JPH3: variants seen among roughly 807,000 people sequenced by gnomAD.
JPH3 encodes the protein junctophilin 3.
Under a neutral mutation model 59.6 loss-of-function variants are expected in JPH3, and 11 were observed. The ratio of observed to expected loss-of-function variants is 0.18; its 90% CI spans 0.12 to 0.31. The LOEUF (loss-of-function observed/expected upper bound fraction) is 0.31. Ranked by LOEUF, JPH3 falls within the 10% of genes least tolerant of loss-of-function variation. The probability of loss-of-function intolerance (pLI) is 1.00; values close to 1 mark genes in which losing one functional copy is unlikely to be tolerated. For synonymous variants in JPH3, 673 were observed against 483.6 expected (o/e 1.39, Z -5.14); for missense variants, 1,202 against 1,105.7 (o/e 1.09, Z -1.24).
At chr16:87,609,641 C>T (rs1352993197) in intron 1 of JPH3, among the ~76,000 whole-genome samples, 5 of 152,202 alleles carry the variant, frequency 3.3e-5, no homozygotes, top group Non-Finnish European at 7.3e-5. Context: ...TATGTGTGTT[C>T]ACTTCTCTTG....
chr16:87,655,965 A>G (rs750494468), intron 2 of JPH3, among the ~76,000 whole-genome samples: 1 of 152,202 alleles, frequency 6.6e-6, no homozygotes, highest in Non-Finnish European at 1.5e-5. Flanking sequence ...CTCTGCATAG[A>G]TGTCCTGAGT....
rs538030615 is a variant in JPH3 at position 87,614,490 on chromosome 16, G to T, written c.382+10962G>T. 2.0e-5 allele frequency among the ~76,000 whole-genome samples: 3 copies of T among 149,386 alleles called. No individual in the cohort carries two copies. The South Asian group carries it at 6.4e-4, about 32-fold the overall frequency. ...CTGGTCCCTGCACACACGAGGGTCC[G>T]CGCGTCCCCCGCAGGATAAACGCAG... On this transcript the variant is annotated intron_variant, in intron 1 of 4. Transcript: ENST00000284262.
At chr16:87,659,405 TACACACAC>T (rs1209816302) in intron 2 of JPH3, among the ~76,000 whole-genome samples, 2 of 100,932 alleles carry the variant, frequency 2.0e-5, no homozygotes, top group Non-Finnish European at 4.0e-5. Flanking sequence ...AAAAGAAAAC[TACACACAC>T]ATACACACAA....
intron 2 of JPH3, among the ~76,000 whole-genome samples, chr16:87,680,490 C>T (rs1254056771): frequency 6.6e-6 from 1 of 152,246 alleles, no homozygotes; most frequent in Non-Finnish European, 1.5e-5. Flanking sequence ...GCCTCGCATG[C>T]AGGGCCAGGC....
At chr16:87,676,369 G>T (rs973728468) in intron 2 of JPH3, among the ~76,000 whole-genome samples, 1 of 152,184 alleles carries the variant, frequency 6.6e-6, no homozygotes, top group African/African-American at 2.4e-5. Context: ...AAGTGGCTCT[G>T]TGACTTCAGA....
intron 2 of JPH3, among the ~76,000 whole-genome samples, chr16:87,645,444 C>G (rs970560499): frequency 6.6e-6 from 1 of 152,176 alleles, no homozygotes; most frequent in African/African-American, 2.4e-5. Flanking sequence ...CACTGCAGGG[C>G]TGTGGGAGGT....
rs5818641 is a variant in JPH3, at chr16:87,666,093, C to CT, written c.1161-18035dup. 7.5e-3 allele frequency among the ~76,000 whole-genome samples: 1,084 copies of CT among 144,996 alleles called. 13 individuals are homozygous for CT. The highest frequency in any genetic ancestry group is 0.023 in the African/African-American group (898 of 39,538). On this transcript the variant is annotated intron_variant, in intron 2 of 4. Transcript: ENST00000284262. ...AAATAACAGGTACTTCTTTTTTTCT[C>CT]TTTTTTTTTTTTTTGAGACAGAGTT... is the stretch of plus-strand genomic sequence containing the variant.
intron 2 of JPH3, among the ~76,000 whole-genome samples, chr16:87,653,206 G>T (rs1214500057): frequency 6.6e-6 from 1 of 152,196 alleles, no homozygotes; most frequent in Non-Finnish European, 1.5e-5. Flanking sequence ...TGGCTCTGGG[G>T]GTGTGTAAAA....
intron 1 of JPH3, chr16:87,604,441 C>T: frequency 7.2e-7 from 1 of 1,381,198 alleles, no homozygotes; most frequent in Non-Finnish European, 9.5e-7. Flanking sequence ...CGGTCCTTTC[C>T]TGGAAGCCAG....
intron 2 of JPH3, among the ~76,000 whole-genome samples, chr16:87,682,157 A>G (rs548338191): frequency 2.6e-5 from 4 of 152,178 alleles, no homozygotes; most frequent in African/African-American, 9.6e-5. Flanking sequence ...AGCTTGCTTC[A>G]TTTCCTGGAC....
At chr16:87,690,601 G>A in intron 4 of JPH3, 75 bp downstream of exon 4, 1 of 1,377,856 alleles carries the variant, frequency 7.3e-7, no homozygotes, top group Non-Finnish European at 9.4e-7. Flanking sequence ...TTTCCTGAGG[G>A]TTTCCAGCAA....
At chr16:87,684,415 C>T in intron 3 of JPH3, 149 bp downstream of exon 3, 19 of 1,309,464 alleles carry the variant, frequency 1.5e-5, no homozygotes, top group Non-Finnish European at 2.0e-5. Flanking sequence ...TCCTCTCCCG[C>T]CGAAGGTGCT....
At chr16:87,637,190 G>C (rs916382221) in intron 1 of JPH3, among the ~76,000 whole-genome samples, 5 of 152,206 alleles carry the variant, frequency 3.3e-5, no homozygotes, top group African/African-American at 1.2e-4. Context: ...TCACTACGTT[G>C]TTTTATTGGC....
intron 1 of JPH3, chr16:87,604,121 G>A: frequency 7.5e-7 from 1 of 1,335,314 alleles, no homozygotes; most frequent in Non-Finnish European, 9.7e-7. Flanking sequence ...TGTCGAAGCA[G>A]GCTGCTGGAG....
chr16:87,621,491 T>C (rs2031183725), intron 1 of JPH3, among the ~76,000 whole-genome samples: 1 of 152,196 alleles, frequency 6.6e-6, no homozygotes, highest in Admixed American at 6.5e-5. Flanking sequence ...AGTGCCTTCT[T>C]GCTCTCAGGA....
At chr16:87,615,200 C>T (rs953582137) in intron 1 of JPH3, among the ~76,000 whole-genome samples, 2 of 152,210 alleles carry the variant, frequency 1.3e-5, no homozygotes, top group Non-Finnish European at 2.9e-5. Flanking sequence ...GTCCATCCTC[C>T]CCGGGGCCTA....
At chr16:87,629,422 G>GT (rs11343784) in intron 1 of JPH3, among the ~76,000 whole-genome samples, 3,133 of 145,660 alleles carry the variant, frequency 0.022, 72 homozygotes, top group African/African-American at 0.06. Context: ...ATCTTTGTGG[G>GT]TTTTTTTTTT....
chr16:87,687,950 G>A (rs1366473810), intron 3 of JPH3, among the ~76,000 whole-genome samples: 3 of 152,192 alleles, frequency 2.0e-5, no homozygotes, highest in African/African-American at 7.2e-5. Flanking sequence ...GAGGAGGTAC[G>A]ATGTGGGTGA....
At chr16:87,646,270 A>G (rs1398366225) in intron 2 of JPH3, among the ~76,000 whole-genome samples, 2 of 152,204 alleles carry the variant, frequency 1.3e-5, no homozygotes, top group African/African-American at 4.8e-5. Flanking sequence ...AAAAACAAAA[A>G]TGGTGGCTGC....
Sources: allele counts gnomAD v4.1 joint callset (sites outside exome capture counted in the v4.1 genomes callset), GRCh38; gene constraint gnomAD v4.1.1; transcripts MANE v1.5; gene names NCBI Gene and HGNC (gene_info 2026-07-23, HGNC 2026-07-21).